The following ARHGAP15 variants were observed in gnomAD, a reference collection of about 807,000 sequenced individuals.
The protein encoded by ARHGAP15 is rho GTPase-activating protein 15.
Under a neutral mutation model 63.7 loss-of-function variants are expected in ARHGAP15, and 51 were observed. That is an observed-to-expected ratio of 0.80 (90% CI 0.64 to 1.01). ARHGAP15 has a LOEUF of 1.01. Ranked by LOEUF, ARHGAP15 falls within the 50% of genes least tolerant of loss-of-function variation. The probability of loss-of-function intolerance (pLI) is 0.00; values close to 1 mark genes in which losing one functional copy is unlikely to be tolerated. For missense variants in ARHGAP15, 560 were observed against 564.6 expected, an observed-to-expected ratio of 0.99 and a Z score of 0.08; for synonymous variants, 191 against 193.8, an observed-to-expected ratio of 0.99 and a Z score of 0.12.
chr2:143,331,350 C>T (rs1684538513), intron 6 of ARHGAP15, among the ~76,000 whole-genome samples: 1 of 152,130 alleles, frequency 6.6e-6, no homozygotes, highest in South Asian at 2.1e-4. Flanking sequence ...ATCTTTAGGT[C>T]AATAGTGTAC....
At chr2:143,549,971 A>G (rs764090152) in intron 10 of ARHGAP15, among the ~76,000 whole-genome samples, 1 of 152,208 alleles carries the variant, frequency 6.6e-6, no homozygotes, top group Non-Finnish European at 1.5e-5. Flanking sequence ...AATCAGTCTC[A>G]ATCATAAGGG....
At chr2:143,169,328 C>T (rs1574041227) in intron 2 of ARHGAP15, among the ~76,000 whole-genome samples, 2 of 151,980 alleles carry the variant, frequency 1.3e-5, no homozygotes, top group Non-Finnish European at 2.9e-5. Context: ...TCCAGCCAGG[C>T]CCCCTTCATG....
intron 5 of ARHGAP15, among the ~76,000 whole-genome samples, chr2:143,244,017 A>T (rs1693957817): frequency 6.6e-6 from 1 of 152,292 alleles, no homozygotes; most frequent in South Asian, 2.1e-4. Flanking sequence ...GTTCTTACTT[A>T]AAGTTGGTAT....
chr2:143,372,182 TA>T (rs907032511), intron 6 of ARHGAP15, among the ~76,000 whole-genome samples: 4 of 149,540 alleles, frequency 2.7e-5, no homozygotes, highest in African/African-American at 4.9e-5. Flanking sequence ...CTACGAAAAA[TA>T]GAGAAAAAAA....
chr2:143,302,810 G>A (rs1024566041), intron 6 of ARHGAP15, among the ~76,000 whole-genome samples: 8 of 151,994 alleles, frequency 5.3e-5, no homozygotes, highest in African/African-American at 1.4e-4. Flanking sequence ...TCATGAGCTT[G>A]ACCAGAAGTA....
At chr2:143,233,543 T>A (rs1693527896) in intron 5 of ARHGAP15, among the ~76,000 whole-genome samples, 1 of 152,046 alleles carries the variant, frequency 6.6e-6, no homozygotes, top group Admixed American at 6.6e-5. Flanking sequence ...TCATGATGCA[T>A]ACAGATGTCA....
chr2:143,744,158 T>C (rs981905775), intron 13 of ARHGAP15, among the ~76,000 whole-genome samples: 1 of 152,186 alleles, frequency 6.6e-6, no homozygotes, highest in African/African-American at 2.4e-5. Context: ...GAACTTACTT[T>C]TAGGGTGGGG....
chr2:143,634,910 T>A lies in ARHGAP15; in HGVS notation c.1138+10643T>A, dbSNP rs549692202. ...GCTATCCAGCTTCTCCGACCTGAGCTTGCCTTGCTTCTATGAAATATTAGC... is the reference window on the plus strand; with the variant it reads ...GCTATCCAGCTTCTCCGACCTGAGCATGCCTTGCTTCTATGAAATATTAGC... On this transcript the variant is annotated intron_variant, in intron 12 of 13. Transcript: ENST00000295095. Among the ~76,000 whole-genome samples the A allele has an allele frequency of 7.0e-4, 107 of 152,062 alleles. 1 individual carries two copies. Among genetic ancestry groups the A allele is most frequent in the Non-Finnish European group, 1.2e-3 (84 of 68,004 alleles).
At chr2:143,293,195 C>T (rs1398891071) in intron 6 of ARHGAP15, among the ~76,000 whole-genome samples, 1 of 152,008 alleles carries the variant, frequency 6.6e-6, no homozygotes, top group Non-Finnish European at 1.5e-5. Flanking sequence ...ATCAAGAAGA[C>T]ACCCAATGGT....
At chr2:143,329,619 T>C (rs893822250) in intron 6 of ARHGAP15, among the ~76,000 whole-genome samples, 3 of 152,088 alleles carry the variant, frequency 2.0e-5, no homozygotes, top group Admixed American at 1.3e-4. Context: ...AACTGTGAAA[T>C]AAGAAATACT....
At chr2:143,501,208 G>A (rs573671124) in intron 9 of ARHGAP15, among the ~76,000 whole-genome samples, 1 of 152,152 alleles carries the variant, frequency 6.6e-6, no homozygotes, top group African/African-American at 2.4e-5. Context: ...TGCTCCCTTG[G>A]ACTCCCTCAT....
chr2:143,371,474 G>T (rs1459752731), intron 6 of ARHGAP15, among the ~76,000 whole-genome samples: 1 of 152,024 alleles, frequency 6.6e-6, no homozygotes, highest in African/African-American at 2.4e-5. Context: ...CTATCTGTCT[G>T]CCTGCCTGTC....
intron 2 of ARHGAP15, among the ~76,000 whole-genome samples, chr2:143,164,260 G>A (rs559167910): frequency 8.6e-4 from 131 of 152,098 alleles, no homozygotes; most frequent in African/African-American, 2.8e-3. Context: ...GGTAAAGTAC[G>A]TGTCAGTTTT....
chr2:143,742,890 T>C (rs1686014821), intron 13 of ARHGAP15, among the ~76,000 whole-genome samples: 1 of 152,290 alleles, frequency 6.6e-6, no homozygotes, highest in Middle Eastern at 3.4e-3. Context: ...ATATTCTCCT[T>C]CACAGACTTT....
At chr2:143,605,963 C>T (rs913901167) in intron 11 of ARHGAP15, among the ~76,000 whole-genome samples, 2 of 132,514 alleles carry the variant, frequency 1.5e-5, no homozygotes, top group Admixed American at 8.8e-5. Context: ...TTGAAACTGG[C>T]AGGCAGGGGT....
At chr2:143,512,282 T>A (rs529392162) in intron 9 of ARHGAP15, among the ~76,000 whole-genome samples, 2 of 152,310 alleles carry the variant, frequency 1.3e-5, no homozygotes, top group East Asian at 3.9e-4. Flanking sequence ...AGTCTCAGGA[T>A]TTACTTGACA....
At chr2:143,322,361 T>C (rs867496894) in intron 6 of ARHGAP15, among the ~76,000 whole-genome samples, 1 of 152,216 alleles carries the variant, frequency 6.6e-6, no homozygotes, top group Admixed American at 6.5e-5. Flanking sequence ...GTTACTTTTA[T>C]TCATAATTAA....
At chr2:143,213,735 T>C (rs1324139629) in intron 3 of ARHGAP15, among the ~76,000 whole-genome samples, 3 of 152,116 alleles carry the variant, frequency 2.0e-5, no homozygotes, top group Non-Finnish European at 2.9e-5. Context: ...CTTTGGAAAA[T>C]GATATAAGAG....
intron 10 of ARHGAP15, among the ~76,000 whole-genome samples, chr2:143,534,652 G>T (rs1465390952): frequency 1.3e-5 from 2 of 152,116 alleles, no homozygotes; most frequent in Non-Finnish European, 2.9e-5. Flanking sequence ...GCTGAGGTGG[G>T]CAGATCTCTT....
Sources: allele counts gnomAD v4.1 joint callset (sites outside exome capture counted in the v4.1 genomes callset), GRCh38; gene constraint gnomAD v4.1.1; transcripts MANE v1.5; gene names NCBI Gene and HGNC (gene_info 2026-07-23, HGNC 2026-07-21).